TNFSF8: variants seen among roughly 807,000 people sequenced by gnomAD.
TNFSF8 encodes the protein tumor necrosis factor ligand superfamily member 8.
Under a neutral mutation model 22.0 loss-of-function variants are expected in TNFSF8, and 4 were observed. The ratio of observed to expected loss-of-function variants is 0.18; its 90% CI spans 0.09 to 0.42. The LOEUF (loss-of-function observed/expected upper bound fraction) is 0.42, where lower values mean the gene tolerates loss of function less well. Ranked by LOEUF, TNFSF8 falls within the 10% of genes least tolerant of loss-of-function variation. The pLI is 1.00. For synonymous variants in TNFSF8, 106 were observed against 112.5 expected, an observed-to-expected ratio of 0.94 and a Z score of 0.37; for missense variants, 233 against 281.8, an observed-to-expected ratio of 0.83 and a Z score of 1.24.
Position 114,902,468 on chromosome 9 carries a change from T to C in TNFSF8, c.*1463A>G. The C allele has an allele frequency of 1.0e-6, 1 of 985,428 alleles. No individual in the cohort carries two copies. The highest frequency in any genetic ancestry group is 1.2e-6 in the Non-Finnish European group (1 of 829,930). The allele number at this position is 985,428 out of a possible 1,614,324, so 61.0% of individuals were successfully genotyped here. A position where few individuals can be genotyped will look rare whatever the true frequency, so the allele number is the denominator to read the frequency against. The stretch of plus-strand genomic sequence containing the variant: ...GCTGCTCAATTATTGTCAATCTAAC[T>C]GGAATAGAGTCAGGCCTCGTCAGAT... On this transcript the variant is annotated 3_prime_UTR_variant, in exon 4 of 4. Transcript: ENST00000223795.
Position 114,930,320 on chromosome 9 carries a change from C to G in TNFSF8, c.-17G>C, listed in dbSNP as rs765483703. The G allele has an allele frequency of 6.7e-7, 1 of 1,494,376 alleles. No homozygotes were observed. The highest frequency in any genetic ancestry group is 9.0e-7 in the Non-Finnish European group (1 of 1,116,252). 92.6% of individuals were successfully genotyped at this position (1,494,376 alleles called of 1,614,324 possible). A position where few individuals can be genotyped will look rare whatever the true frequency, so the allele number is the denominator to read the frequency against. On this transcript the variant is annotated 5_prime_UTR_variant, in exon 1 of 4. Transcript: ENST00000223795. Reference sequence around the variant, plus strand: ...TGGGTCCATTCTTTATATAGTCTTCCCCACATCACACCTTATCTCTCTTCA... The same window carrying G: ...TGGGTCCATTCTTTATATAGTCTTCGCCACATCACACCTTATCTCTCTTCA...
intron 1 of TNFSF8, among the ~76,000 whole-genome samples, chr9:114,923,490 C>CTTTCTTTCT (rs781009062): frequency 1.6e-4 from 12 of 72,984 alleles, no homozygotes; most frequent in Non-Finnish European, 8.9e-5. Context: ...TTCTTTCTTT[C>CTTTCTTTCT]TTTCTTTCTT....
intron 4 of TNFSF8, chr9:114,894,177 A>G: frequency 2.0e-6 from 3 of 1,530,880 alleles, no homozygotes; most frequent in Non-Finnish European, 2.6e-6. Context: ...GGAAGAAAGA[A>G]TAACTTTACT....
Position 114,901,635 on chromosome 9 carries a change from C to T in TNFSF8, c.*2296G>A, listed in dbSNP as rs1827718090. On this transcript the variant is annotated 3_prime_UTR_variant, in exon 4 of 4. Transcript: ENST00000223795. Reference sequence around the variant, plus strand: ...TGCAGTTAGTGTGTGACTCAAATGCCAGCCATTTCCCTGTTTTTTTAGCCT... The same window carrying T: ...TGCAGTTAGTGTGTGACTCAAATGCTAGCCATTTCCCTGTTTTTTTAGCCT... 3.0e-6 allele frequency: 3 copies of T among 985,308 alleles called. No homozygotes were observed. The highest frequency in any genetic ancestry group is 3.6e-6 in the Non-Finnish European group (3 of 829,944). 61.0% of individuals were successfully genotyped at this position (985,308 alleles called of 1,614,324 possible). A position where few individuals can be genotyped will look rare whatever the true frequency, so the allele number is the denominator to read the frequency against.
downstream of TNFSF8, among the ~76,000 whole-genome samples, chr9:114,900,879 G>A (rs1285063467): frequency 6.6e-6 from 1 of 152,184 alleles, no homozygotes; most frequent in Non-Finnish European, 1.5e-5. Flanking sequence ...CTACTCAGGA[G>A]GCTGAGGTAG....
intron 2 of TNFSF8, among the ~76,000 whole-genome samples, chr9:114,914,002 C>A (rs953094533): frequency 6.6e-6 from 1 of 152,024 alleles, no homozygotes; most frequent in African/African-American, 2.4e-5. Flanking sequence ...ATAAAAAGGG[C>A]CAGGGTATAT....
intron 2 of TNFSF8, among the ~76,000 whole-genome samples, chr9:114,907,598 C>T (rs1159630505): frequency 6.6e-6 from 1 of 152,166 alleles, no homozygotes; most frequent in Non-Finnish European, 1.5e-5. Flanking sequence ...TCATGGTCCC[C>T]ATTGTTCTGA....
chr9:114,902,470 G>T lies in TNFSF8; in HGVS notation c.*1461C>A, dbSNP rs3181375. The T allele has an allele frequency of 1.0e-6, 1 of 985,202 alleles. No individual in the cohort carries two copies. The highest frequency in any genetic ancestry group is 1.2e-6 in the Non-Finnish European group (1 of 829,940). 61.0% of individuals were successfully genotyped at this position (985,202 alleles called of 1,614,324 possible). On this transcript the variant is annotated 3_prime_UTR_variant, in exon 4 of 4. Coordinates refer to ENST00000223795, the MANE Select transcript of TNFSF8 (RefSeq NM_001244.4). ...TGCTCAATTATTGTCAATCTAACTG[G>T]AATAGAGTCAGGCCTCGTCAGATGG...
rs115156264 is a variant in TNFSF8 at position 114,914,983 on chromosome 9, C to T, written c.238+3113G>A. Among the ~76,000 whole-genome samples the T allele has an allele frequency of 5.2e-3, 792 of 152,314 alleles. 14 individuals carry two copies. The highest frequency in any genetic ancestry group is 0.018 in the African/African-American group (749 of 41,580). Reference sequence around the variant, plus strand: ...CTACATCCCAGGCTCTGAGCCACTGCTGATTTTCTGCTGATGGTGGAAGAT... The same window carrying T: ...CTACATCCCAGGCTCTGAGCCACTGTTGATTTTCTGCTGATGGTGGAAGAT... On this transcript the variant is annotated intron_variant, in intron 2 of 3. Coordinates refer to ENST00000223795, the MANE Select transcript of TNFSF8 (RefSeq NM_001244.4).
intron 2 of TNFSF8, among the ~76,000 whole-genome samples, chr9:114,911,409 T>C (rs1227034302): frequency 6.6e-6 from 1 of 152,148 alleles, no homozygotes; most frequent in Non-Finnish European, 1.5e-5. Flanking sequence ...GAGGACAGTC[T>C]CTCCCCTCTG....
chr9:114,928,648 G>T (rs376848292), intron 1 of TNFSF8, among the ~76,000 whole-genome samples: 1 of 152,114 alleles, frequency 6.6e-6, no homozygotes, highest in African/African-American at 2.4e-5. Context: ...CTCCAAATTA[G>T]AATTACAGAA....
At chr9:114,915,982 A>G (rs1827913602) in intron 2 of TNFSF8, among the ~76,000 whole-genome samples, 1 of 152,210 alleles carries the variant, frequency 6.6e-6, no homozygotes, top group South Asian at 2.1e-4. Flanking sequence ...AAATGTGATA[A>G]GTGATTTCGT....
At chr9:114,921,789 G>C (rs745355291) in intron 1 of TNFSF8, among the ~76,000 whole-genome samples, 1 of 152,144 alleles carries the variant, frequency 6.6e-6, no homozygotes. Context: ...ACTCTCCCAG[G>C]TTTTCATTCT....
downstream of TNFSF8, chr9:114,901,138 G>C (rs1827711591): frequency 1.0e-6 from 1 of 985,214 alleles, no homozygotes; most frequent in South Asian, 4.7e-5. Flanking sequence ...GTTTTAGGTA[G>C]CCTGAGTTCC....
In TNFSF8 at chr9:114,901,942, C is replaced by G. The variant is rs747714252; in HGVS notation, c.*1989G>C. The G allele has an allele frequency of 4.9e-5, 48 of 984,044 alleles. No homozygotes were observed. Among genetic ancestry groups the G allele is most frequent in the Non-Finnish European group, 5.2e-5 (43 of 828,810 alleles). The allele number at this position is 984,044 out of a possible 1,614,324, so 61.0% of individuals were successfully genotyped here. ...TGTTCTTTCTTTTTTTCTTTTAAAT[C>G]TTTTCTAGCTTTCCTTCTGACAAAC... On this transcript the variant is annotated 3_prime_UTR_variant, in exon 4 of 4. Coordinates refer to ENST00000223795, the MANE Select transcript of TNFSF8 (RefSeq NM_001244.4).
At chr9:114,928,571 A>G (rs1387565580) in intron 1 of TNFSF8, among the ~76,000 whole-genome samples, 2 of 152,164 alleles carry the variant, frequency 1.3e-5, no homozygotes, top group Admixed American at 1.3e-4. Context: ...TAACTAAAGA[A>G]CTTCTTAAAG....
At position 114,904,375 on chromosome 9, in the gene TNFSF8, G is replaced by A. The variant is rs138061600; in HGVS notation, c.311-50C>T. 830 of 1,533,208 alleles carry A rather than the reference G, an allele frequency of 5.4e-4. 4 individuals carry two copies. The African/African-American group carries it at 9.7e-3, about 18-fold the overall frequency. 95.0% of individuals were successfully genotyped at this position (1,533,208 alleles called of 1,614,324 possible). On this transcript the variant is annotated intron_variant, in intron 3 of 3. Transcript: ENST00000223795. ...GAATTATTGAGAAGATTGTAGGTAC[G>A]CATTGCAAAATTCTAAGTCTTTGTT... is the stretch of plus-strand genomic sequence containing the variant.
Position 114,926,771 on chromosome 9 carries a change from G to A in TNFSF8, c.195+3338C>T, listed in dbSNP as rs1007331742. On this transcript the variant is annotated intron_variant, in intron 1 of 3. Transcript: ENST00000223795. ...TTTGTAGATGCACAGATTTTTGGAA[G>A]GACACACAAGAATCTGTCAATGGTG... Among the ~76,000 whole-genome samples the A allele has an allele frequency of 2.0e-5, 3 of 151,968 alleles. 1 individual carries two copies. The highest frequency in any genetic ancestry group is 2.0e-4 in the Admixed American group (3 of 15,246).
In TNFSF8 at chr9:114,930,125, A is replaced by G. The variant is rs1356295237; in HGVS notation, c.179T>C (p.Leu60Ser). The G allele has an allele frequency of 1.3e-6, 2 of 1,522,628 alleles. No homozygotes were observed. Among genetic ancestry groups the G allele is most frequent in the Non-Finnish European group, 1.8e-6 (2 of 1,132,190 alleles). 94.3% of individuals were successfully genotyped at this position (1,522,628 alleles called of 1,614,324 possible). Residue 60 changes from leucine (L) to serine (S), a missense_variant, in exon 1 of 4, where the codon TTG becomes TCG. Coordinates refer to ENST00000223795, the MANE Select transcript of TNFSF8 (RefSeq NM_001244.4). ...TCCACTTACCGTCCTCTGAACGACC[A>G]ACACCATAATAGTGGCCACCGTGAA... The part of the protein sequence containing the change: ...LVFTVATIMV[L>S]VVQRTDSIPN...
Sources: gnomAD v4.1 joint callset for allele counts (sites outside exome capture counted in the v4.1 genomes callset) on GRCh38, gnomAD v4.1.1 for gene constraint, MANE v1.5 for transcripts, NCBI Gene and HGNC (gene_info 2026-07-23, HGNC 2026-07-21) for gene names.